Variants in LIPA observed in about 807,000 individuals in gnomAD.
LIPA encodes lysosomal acid lipase/cholesteryl ester hydrolase.
In LIPA, 26 loss-of-function variants were observed where a neutral mutation model predicts 40.6. The ratio of observed to expected loss-of-function variants is 0.64; its 90% CI spans 0.47 to 0.89. The LOEUF is 0.89. Ranked by LOEUF, LIPA falls within the 40% of genes least tolerant of loss-of-function variation. LIPA has a pLI of 0.00. For missense variants in LIPA, 455 were observed against 479.6 expected (o/e 0.95, Z 0.48); for synonymous variants, 188 against 168.4 (o/e 1.12, Z -0.90).
chr10:89,393,429 C>A, intron 2 of LIPA: 4 of 667,440 alleles, frequency 6.0e-6, no homozygotes, highest in Non-Finnish European at 6.4e-6. Flanking sequence ...AATTTCTCAG[C>A]TGATTTAAAA....
chr10:89,370,699 C>A (rs1202012006), intron 2 of LIPA, among the ~76,000 whole-genome samples: 1 of 152,068 alleles, frequency 6.6e-6, no homozygotes, highest in South Asian at 2.1e-4. Context: ...CAGTAGCACC[C>A]ACATCTCCAG....
intron 1 of LIPA, among the ~76,000 whole-genome samples, chr10:89,248,420 G>T (rs1200473219): frequency 7.8e-5 from 7 of 89,904 alleles, no homozygotes; most frequent in Admixed American, 3.4e-4. Context: ...CCTCCCAAAG[G>T]AATTATTATT....
chr10:89,344,466 C>A (rs912381545), upstream of LIPA, among the ~76,000 whole-genome samples: 2 of 152,166 alleles, frequency 1.3e-5, no homozygotes, highest in African/African-American at 4.8e-5. Flanking sequence ...AAACTCCTTG[C>A]AGACGTAAAT....
At chr10:89,259,487 A>G (rs1415720573) in intron 1 of LIPA, among the ~76,000 whole-genome samples, 1 of 152,236 alleles carries the variant, frequency 6.6e-6, no homozygotes, top group Non-Finnish European at 1.5e-5. Flanking sequence ...AACTGGTACA[A>G]TCACTTTAGA....
intron 1 of LIPA, among the ~76,000 whole-genome samples, chr10:89,250,107 C>CTTTTTTTTTTTTTTT (rs398038546): frequency 0.029 from 2,799 of 95,538 alleles, 253 homozygotes; most frequent in African/African-American, 0.078. Flanking sequence ...TCTTTTCTTT[C>CTTTTTTTTTTTTTTT]TTTTTTTTTT....
At chr10:89,378,425 C>A (rs1450927257) in intron 2 of LIPA, among the ~76,000 whole-genome samples, 2 of 152,076 alleles carry the variant, frequency 1.3e-5, no homozygotes, top group African/African-American at 4.8e-5. Context: ...ACATGATAAC[C>A]CTGGGCCTAC....
upstream of LIPA, among the ~76,000 whole-genome samples, chr10:89,254,155 T>C (rs117063426): frequency 2.3e-3 from 352 of 152,378 alleles, 3 homozygotes; most frequent in Middle Eastern, 0.034. Context: ...TTGGGGACTC[T>C]GTGTGAGGCC....
chr10:89,393,291 C>T (rs1289255049), intron 2 of LIPA: 9 of 1,289,354 alleles, frequency 7.0e-6, no homozygotes, highest in African/African-American at 1.5e-5. Flanking sequence ...CGCAATCAGG[C>T]TGAGCTTAAG....
intron 2 of LIPA, among the ~76,000 whole-genome samples, chr10:89,386,845 C>A (rs1054813580): frequency 6.6e-6 from 1 of 152,114 alleles, no homozygotes; most frequent in African/African-American, 2.4e-5. Flanking sequence ...CAAATTCATT[C>A]ATTAATTAAT....
At chr10:89,407,764 GC>G (rs1004078520) in intron 2 of LIPA, among the ~76,000 whole-genome samples, 12 of 152,270 alleles carry the variant, frequency 7.9e-5, no homozygotes, top group African/African-American at 2.6e-4. Flanking sequence ...GTCGGTAAGG[GC>G]CGCTAAGTCC....
chr10:89,413,780 A>C (rs1589646671), intron 1 of LIPA, among the ~76,000 whole-genome samples: 5 of 148,816 alleles, frequency 3.4e-5, no homozygotes, highest in Non-Finnish European at 5.9e-5. Context: ...AAAAAAAAAA[A>C]AACCAAAATC....
chr10:89,380,693 A>G (rs1010594461), intron 2 of LIPA, among the ~76,000 whole-genome samples: 1 of 152,164 alleles, frequency 6.6e-6, no homozygotes, highest in Non-Finnish European at 1.5e-5. Context: ...TTGGACTCTC[A>G]AAGTGTTGGG....
intron 1 of LIPA, among the ~76,000 whole-genome samples, chr10:89,295,723 C>T (rs1843409441): frequency 6.6e-6 from 1 of 152,114 alleles, no homozygotes; most frequent in Non-Finnish European, 1.5e-5. Flanking sequence ...ATGAACAGGG[C>T]CTATATTCCA....
chr10:89,327,399 A>G (rs1589602050), intron 1 of LIPA, among the ~76,000 whole-genome samples: 1 of 152,038 alleles, frequency 6.6e-6, no homozygotes, highest in African/African-American at 2.4e-5. Context: ...AAAAATACAA[A>G]TATTAGCCGG....
At chr10:89,366,993 C>T (rs1037912775) in intron 2 of LIPA, among the ~76,000 whole-genome samples, 1 of 152,074 alleles carries the variant, frequency 6.6e-6, no homozygotes, top group African/African-American at 2.4e-5. Context: ...TACTATGCAG[C>T]CATAAAAAAG....
intron 1 of LIPA, chr10:89,307,675 G>T: frequency 3.5e-6 from 1 of 288,696 alleles, no homozygotes; most frequent in South Asian, 7.2e-5. Flanking sequence ...CTTTAGTGGA[G>T]TAATCTACTG....
chr10:89,225,465 C>T (rs1301124552), intron 5 of LIPA, among the ~76,000 whole-genome samples: 2 of 152,116 alleles, frequency 1.3e-5, no homozygotes, highest in Non-Finnish European at 2.9e-5. Flanking sequence ...CAAATCTCAA[C>T]CTAGATAAGC....
chr10:89,388,042 G>A (rs304498), intron 2 of LIPA, among the ~76,000 whole-genome samples: 48,249 of 152,012 alleles, frequency 0.32, 8,888 homozygotes, highest in East Asian at 0.62. Context: ...TGATTTTTAA[G>A]TGCGCTGTAA....
At position 89,380,623 on chromosome 10, in the gene LIPA, T is replaced by C. The variant is rs557393167; in HGVS notation, c.61+32168A>G. On this transcript the variant is annotated intron_variant, in intron 2 of 8. Coordinates refer to the LIPA transcript ENST00000371837. Reference sequence around the variant, plus strand: ...TAATTTTTGTATTTTTTGAGAGACATGGTTTCGCTATGTTGCCCATGCTGG... The same window carrying C: ...TAATTTTTGTATTTTTTGAGAGACACGGTTTCGCTATGTTGCCCATGCTGG... 2.6e-5 allele frequency among the ~76,000 whole-genome samples: 4 copies of C among 152,150 alleles called. No homozygotes were observed. In the South Asian group the frequency reaches 6.2e-4, roughly 24 times the overall value.
Sources: allele counts gnomAD v4.1 joint callset (sites outside exome capture counted in the v4.1 genomes callset), GRCh38; gene constraint gnomAD v4.1.1; transcripts MANE v1.5; gene names NCBI Gene and HGNC (gene_info 2026-07-23, HGNC 2026-07-21).